MAST3: variants seen among roughly 807,000 people sequenced by gnomAD.
MAST3 encodes the protein microtubule-associated serine/threonine-protein kinase 3.
In MAST3, 43 loss-of-function variants were observed where a neutral mutation model predicts 127.0. The ratio of observed to expected loss-of-function variants is 0.34; its 90% CI spans 0.27 to 0.44. The LOEUF (loss-of-function observed/expected upper bound fraction) is 0.44. Ranked by LOEUF, MAST3 falls within the 20% of genes least tolerant of loss-of-function variation. The pLI is 1.00. For synonymous variants in MAST3, 785 were observed against 809.2 expected (o/e 0.97, Z 0.51); for missense variants, 1,390 against 1,919.1 (o/e 0.72, Z 5.15).
At chr19:18,122,648 C>T (rs1320477780) in intron 5 of MAST3, 25 bp from the exon 6 acceptor site, 10 of 1,603,360 alleles carry the variant, frequency 6.2e-6, no homozygotes, top group Non-Finnish European at 8.5e-6. Context: ...GCCTTCCTTC[C>T]ATCTGTTCTT....
At position 18,134,678 on chromosome 19, in the gene MAST3, C is replaced by A; in HGVS notation, c.1671C>A (p.Ile557=). ...CCACCAACCTCTATGAGGGCCACAT[C>A]GAGAAGGACGCCCGAGAGTTCATCG... ...SMATNLYEGH[I]EKDAREFIDK... The change falls in exon 16 of 28, where the codon ATC becomes ATA. Residue 557 remains isoleucine (I), a synonymous_variant. Coordinates refer to ENST00000687212, the MANE Select transcript of MAST3 (RefSeq NM_001393504.1). 1 of 1,613,720 alleles carries A rather than the reference C, an allele frequency of 6.2e-7. No individual in the cohort carries two copies. The highest frequency in any genetic ancestry group is 8.5e-7 in the Non-Finnish European group (1 of 1,179,800).
At chr19:18,146,260 G>A (rs951381721) in intron 25 of MAST3, among the ~76,000 whole-genome samples, 2 of 152,190 alleles carry the variant, frequency 1.3e-5, no homozygotes, top group African/African-American at 4.8e-5. Flanking sequence ...GCAACAGAGC[G>A]AGACCCCCAT....
At position 18,136,160 on chromosome 19, in the gene MAST3, C is replaced by T. The variant is rs562662320; in HGVS notation, c.1972+319C>T. ...CCACTGTCCCAGTTTTCCCAGCCAC[C>T]TGGTTAATCATTAAGGGACCGTTTG... On this transcript the variant is annotated intron_variant, in intron 18 of 27. Transcript: ENST00000687212. 5.3e-5 allele frequency among the ~76,000 whole-genome samples: 8 copies of T among 152,312 alleles called. No homozygotes were observed. The East Asian group carries it at 1.3e-3, about 26-fold the overall frequency.
chr19:18,127,471 G>C (rs774565566), intron 11 of MAST3, among the ~76,000 whole-genome samples: 1 of 152,100 alleles, frequency 6.6e-6, no homozygotes, highest in African/African-American at 2.4e-5. Flanking sequence ...ATTACCTGAG[G>C]TCAGGAGTTC....
chr19:18,130,770 T>C, intron 14 of MAST3, 68 bp downstream of exon 14: 1 of 1,489,890 alleles, frequency 6.7e-7, no homozygotes, highest in Non-Finnish European at 9.2e-7. Flanking sequence ...GGGAGAAAAT[T>C]TTTAGACCAA....
chr19:18,099,942 C>T (rs1031697216), intron 1 of MAST3, among the ~76,000 whole-genome samples: 4 of 152,030 alleles, frequency 2.6e-5, no homozygotes, highest in African/African-American at 9.7e-5. Flanking sequence ...CAGGAGAGGA[C>T]ATGCCCATAT....
rs999923729 is a variant in MAST3, at chr19:18,110,777, C to A, written c.161+36C>A. 16 of 944,972 alleles carry A rather than the reference C, an allele frequency of 1.7e-5. No homozygotes were observed. The highest frequency in any genetic ancestry group is 2.0e-5 in the Non-Finnish European group (16 of 792,844). 58.5% of individuals were successfully genotyped at this position (944,972 alleles called of 1,614,324 possible). ...GCGCGTGTGGGCGGGGCGCAGACAT[C>A]GCCCTGGCACCCCAGAGCCTTGGAA... On this transcript the variant is annotated intron_variant, in intron 3 of 27. Coordinates refer to ENST00000687212, the MANE Select transcript of MAST3 (RefSeq NM_001393504.1). This position sits in a 1 kb window ranked among gnomAD's most constrained non-coding sequence, Gnocchi z 4.3.
Position 18,110,110 on chromosome 19 carries a change from G to A in MAST3, c.72-542G>A, listed in dbSNP as rs1343238000. On this transcript the variant is annotated intron_variant, in intron 2 of 27. Transcript: ENST00000687212. This position sits in a 1 kb window ranked among gnomAD's most constrained non-coding sequence, Gnocchi z 4.3. Reference sequence around the variant, plus strand: ...CCTCGCTGCCGGGCCGGGCCTGCGCGCAGGTGCGGAGCTGCGATCCCCGCC... The same window carrying A: ...CCTCGCTGCCGGGCCGGGCCTGCGCACAGGTGCGGAGCTGCGATCCCCGCC... 6.1e-6 allele frequency: 6 copies of A among 985,328 alleles called. No homozygotes were observed. Among genetic ancestry groups the A allele is most frequent in the East Asian group, 2.3e-4 (2 of 8,796 alleles). 61.0% of individuals were successfully genotyped at this position (985,328 alleles called of 1,614,324 possible).
Position 18,144,964 on chromosome 19 carries a change from T to A in MAST3, c.2813-39T>A. Reference sequence around the variant, plus strand: ...GAAAGAGGGGGCCCCAGGGGAGACCTGTGAGGGAGTGAGTGACCCCCTCCC... The same window carrying A: ...GAAAGAGGGGGCCCCAGGGGAGACCAGTGAGGGAGTGAGTGACCCCCTCCC... On this transcript the variant is annotated intron_variant, in intron 23 of 27. Coordinates refer to ENST00000687212, the MANE Select transcript of MAST3 (RefSeq NM_001393504.1). This position sits in a 1 kb window ranked among gnomAD's most constrained non-coding sequence, Gnocchi z 4.0. The A allele has an allele frequency of 8.8e-7, 1 of 1,136,256 alleles. No homozygotes were observed. The highest frequency in any genetic ancestry group is 1.3e-6 in the Non-Finnish European group (1 of 766,020). The allele number at this position is 1,136,256 out of a possible 1,614,324, so 70.4% of individuals were successfully genotyped here. A position where few individuals can be genotyped will look rare whatever the true frequency, so the allele number is the denominator to read the frequency against.
Position 18,147,041 on chromosome 19 carries a change from AGCGGT to A in MAST3, c.3324_3326+2del. 6.5e-7 allele frequency: 1 copy of A among 1,540,512 alleles called. No homozygotes were observed. Among genetic ancestry groups the A allele is most frequent in the East Asian group, 2.4e-5 (1 of 41,480 alleles). ...CGGTGCGCGGCAGTGACCACCAGGG[AGCGGT>A]ACACAGGGGGCGGGGCCACGGGGAC... On this transcript the variant is annotated splice_donor_variant and coding_sequence_variant, in exon 26 of 28. Transcript: ENST00000687212. LOFTEE classifies it high-confidence loss of function.
Position 18,144,890 on chromosome 19 carries a change from T to C in MAST3, c.2813-113T>C, listed in dbSNP as rs2042875322. On this transcript the variant is annotated intron_variant, in intron 23 of 27. Coordinates refer to ENST00000687212, the MANE Select transcript of MAST3 (RefSeq NM_001393504.1). The surrounding 1 kb of genome is among the most constrained non-coding windows in gnomAD (Gnocchi z 4.0). ...CAAAGGCCTGGTGGGGTGACCATGC[T>C]TGGGACATTGAAGCAACAGCAAAGT... The C allele has an allele frequency of 7.0e-6, 6 of 861,782 alleles. No individual in the cohort carries two copies. The South Asian group carries it at 8.8e-5, about 13-fold the overall frequency. 53.4% of individuals were successfully genotyped at this position (861,782 alleles called of 1,614,324 possible). A position where few individuals can be genotyped will look rare whatever the true frequency, so the allele number is the denominator to read the frequency against.
chr19:18,101,073 G>T (rs1165620498), intron 1 of MAST3, among the ~76,000 whole-genome samples: 2 of 152,186 alleles, frequency 1.3e-5, no homozygotes, highest in Non-Finnish European at 2.9e-5. Flanking sequence ...TCAGCCTCAC[G>T]CATAACGTGT....
intron 11 of MAST3, among the ~76,000 whole-genome samples, chr19:18,127,384 CT>C (rs1220245158): frequency 2.0e-5 from 3 of 151,958 alleles, no homozygotes. Context: ...CCTGTCTCTA[CT>C]AAAAATACAA....
rs758529144 is a variant in MAST3 at position 18,149,451 on chromosome 19, C to T, written c.3769C>T (p.Arg1257Cys). Residue 1257 changes from arginine to cysteine, a missense_variant, in exon 28 of 28, where the codon CGC (arginine) becomes TGC (cysteine). By Grantham distance (180) the Arg-to-Cys change is radical (BLOSUM62 -3). Around this residue, in one of 5 missense-constraint regions of MAST3, gnomAD observed 816 missense variants for 934.1 expected, o/e 0.87. Coordinates refer to ENST00000687212, the MANE Select transcript of MAST3 (RefSeq NM_001393504.1). The surrounding 1 kb of genome is among the most constrained non-coding windows in gnomAD (Gnocchi z 5.9). ...CGCACCTGCCCGATCCCCGCGGCTG[C>T]GCCGGGGCCAGTCAGCTGACAAGCT... ...PPAPARSPRL[R>C]RGQSADKLGT... 38 of 1,531,948 alleles carry T rather than the reference C, an allele frequency of 2.5e-5. No homozygotes were observed. Among genetic ancestry groups the T allele is most frequent in the Middle Eastern group, 2.1e-4 (1 of 4,840 alleles). 94.9% of individuals were successfully genotyped at this position (1,531,948 alleles called of 1,614,324 possible).
Position 18,124,078 on chromosome 19 carries a change from C to G in MAST3, c.773C>G (p.Ser258Cys), listed in dbSNP as rs773227016. The change falls in exon 9 of 28, where the codon TCT (serine) becomes TGT (cysteine). Residue 258 changes from serine to cysteine, a missense_variant. This residue lies in a region of MAST3 where 277 missense variants were observed against 384.8 expected (regional missense o/e 0.72). Transcript: ENST00000687212. ...CTGGCCCGAGACTGCTTGGCCAAGT[C>G]TGGCGAGAACCTCGTCACCTCCCGC... Reference protein sequence around the residue: ...VELARDCLAKSGENLVTSRYF... With the variant: ...VELARDCLAKCGENLVTSRYF... The G allele has an allele frequency of 6.2e-6, 10 of 1,610,466 alleles. No homozygotes were observed. In the African/African-American group the frequency reaches 1.2e-4, roughly 19 times the overall value.
In MAST3 at chr19:18,135,774, T is replaced by G. The variant is rs775532366; in HGVS notation, c.1905T>G (p.Leu635=). The part of the protein sequence containing the change: ...EIMWPEGDEA[L]PADAQDLITR... The stretch of plus-strand genomic sequence containing the variant: ...TGTGGCCAGAGGGAGATGAGGCCCT[T>G]CCAGCAGACGCCCAGGACCTCATCA... The change falls in exon 18 of 28, where the codon CTT becomes CTG. Residue 635 remains leucine, a synonymous_variant. Transcript: ENST00000687212. The G allele has an allele frequency of 8.1e-6, 13 of 1,612,374 alleles. No homozygotes were observed. The Admixed American group carries it at 2.0e-4, about 25-fold the overall frequency.
In MAST3 at chr19:18,144,472, C is replaced by T; in HGVS notation, c.2591C>T (p.Thr864Ile). Residue 864 changes from threonine (T) to isoleucine (I), a missense_variant, in exon 23 of 28, where the codon ACA becomes ATA. This residue lies in a region of MAST3 where 816 missense variants were observed against 934.1 expected (regional missense o/e 0.87). Transcript: ENST00000687212. The surrounding 1 kb of genome is among the most constrained non-coding windows in gnomAD (Gnocchi z 4.0). ...MPKPSSLSADTAALSHARLRS... is the reference protein window; with the variant it reads ...MPKPSSLSADIAALSHARLRS... ...GACCCTGCTGACCCTCTAGCCGACA[C>T]AGCTGCTCTCAGCCACGCCCGCCTA... 1 of 1,565,886 alleles carries T rather than the reference C, an allele frequency of 6.4e-7. No homozygotes were observed. Among genetic ancestry groups the T allele is most frequent in the African/African-American group, 1.4e-5 (1 of 73,792 alleles).
chr19:18,144,607 C>A lies in MAST3; in HGVS notation c.2726C>A (p.Ser909Tyr). The change falls in exon 23 of 28, where the codon TCC (serine) becomes TAC (tyrosine). Residue 909 changes from serine (S) to tyrosine (Y), a missense_variant. Around this residue, in one of 5 missense-constraint regions of MAST3, gnomAD observed 816 missense variants for 934.1 expected, o/e 0.87. Transcript: ENST00000687212. The surrounding 1 kb of genome is among the most constrained non-coding windows in gnomAD (Gnocchi z 4.0). ...RDPAPEKSRA[S>Y]SSGGSGGGSG... ...CCAGCCCCTGAGAAGTCCAGAGCCT[C>A]CTCCAGCGGTGGCAGTGGTGGCGGC... is the stretch of plus-strand genomic sequence containing the variant. 1.2e-6 allele frequency: 2 copies of A among 1,611,788 alleles called. No homozygotes were observed. The highest frequency in any genetic ancestry group is 1.7e-6 in the Non-Finnish European group (2 of 1,179,732).
chr19:18,146,954 A>T lies in MAST3; in HGVS notation c.3236A>T (p.Asn1079Ile). The change falls in exon 26 of 28, where the codon AAT becomes ATT. Residue 1079 changes from asparagine (N) to isoleucine (I), a missense_variant. Physicochemically the swap from Asn to Ile is moderately radical, Grantham distance 149 (BLOSUM62 -3). This residue lies in a region of MAST3 where 816 missense variants were observed against 934.1 expected (regional missense o/e 0.87). Coordinates refer to ENST00000687212, the MANE Select transcript of MAST3 (RefSeq NM_001393504.1). ...TSIKVGPARK[N>I]VAKGRMARRS... ...ATCAAGGTGGGCCCCGCCCGGAAGA[A>T]TGTGGCCAAGGGCCGCATGGCACGC... 6.4e-7 allele frequency: 1 copy of T among 1,562,344 alleles called. No homozygotes were observed.
Sources: gnomAD v4.1 joint callset for allele counts (sites outside exome capture counted in the v4.1 genomes callset) on GRCh38, gnomAD v4.1.1 for gene constraint, gnomAD v4.1.1 regional missense constraint, Gnocchi (gnomAD v3.1) non-coding constraint, MANE v1.5 for transcripts, NCBI Gene and HGNC (gene_info 2026-07-23, HGNC 2026-07-21) for gene names.